VNN1: variants seen among roughly 807,000 people sequenced by gnomAD.
VNN1 encodes the protein vanin 1.
VNN1 carries 29 observed loss-of-function variants against 41.9 expected under a neutral mutation model. The ratio of observed to expected loss-of-function variants is 0.69; its 90% CI spans 0.52 to 0.94. The LOEUF (loss-of-function observed/expected upper bound fraction) is 0.94. Ranked by LOEUF, VNN1 falls within the 40% of genes least tolerant of loss-of-function variation. The probability of loss-of-function intolerance (pLI) is 0.00; values close to 1 mark genes in which losing one functional copy is unlikely to be tolerated. For missense variants in VNN1, 637 were observed against 621.1 expected (o/e 1.03, Z -0.27); for synonymous variants, 233 against 224.4 (o/e 1.04, Z -0.34).
chr6:132,700,372 T>C (rs1778434164), intron 2 of VNN1, among the ~76,000 whole-genome samples: 1 of 152,142 alleles, frequency 6.6e-6, no homozygotes, highest in Non-Finnish European at 1.5e-5. Flanking sequence ...CCTCAGATGC[T>C]GTAAGGTGAA....
intron 3 of VNN1, among the ~76,000 whole-genome samples, chr6:132,693,675 T>G (rs536914353): frequency 1.3e-5 from 2 of 152,320 alleles, no homozygotes; most frequent in South Asian, 4.1e-4. Flanking sequence ...AAGCAGTTTT[T>G]CATTCTAGCC....
Position 132,682,310 on chromosome 6 carries a change from G to A in VNN1, c.*830C>T, listed in dbSNP as rs1002442569. ...TTACAGTAGAAAACAGTAGTGGTGG[G>A]GAGAGGAACAGGAATGGGTCTTTGA... On this transcript the variant is annotated 3_prime_UTR_variant, in exon 7 of 7. Transcript: ENST00000367928. The A allele has an allele frequency of 5.3e-5, 8 of 152,232 alleles. No individual in the cohort carries two copies. The highest frequency in any genetic ancestry group is 1.9e-4 in the African/African-American group (8 of 41,436). The allele number at this position is 152,232 out of a possible 1,614,324, so 9.4% of individuals were successfully genotyped here.
intron 5 of VNN1, among the ~76,000 whole-genome samples, chr6:132,686,622 G>T (rs1297378310): frequency 6.6e-6 from 1 of 152,164 alleles, no homozygotes; most frequent in East Asian, 1.9e-4. Flanking sequence ...GCAGCAAAAG[G>T]TCCAGCTAGA....
At chr6:132,690,795 G>C (rs762707663) in intron 5 of VNN1, among the ~76,000 whole-genome samples, 4 of 152,116 alleles carry the variant, frequency 2.6e-5, no homozygotes, top group Non-Finnish European at 5.9e-5. Flanking sequence ...GCACTCAAGG[G>C]GTTCTCAGTC....
chr6:132,684,545 A>G, intron 5 of VNN1, 40 bp from the exon 6 acceptor site: 5 of 1,604,136 alleles, frequency 3.1e-6, no homozygotes, highest in Non-Finnish European at 4.3e-6. Flanking sequence ...TAAGAAAGTC[A>G]TGTGGGATAT....
intron 2 of VNN1, among the ~76,000 whole-genome samples, chr6:132,708,597 G>A (rs1230388145): frequency 6.6e-6 from 1 of 152,106 alleles, no homozygotes; most frequent in Non-Finnish European, 1.5e-5. Flanking sequence ...ATGAGAGCAG[G>A]GAAGGATATT....
intron 2 of VNN1, 25 bp from the exon 3 acceptor site, chr6:132,694,207 A>G: frequency 2.6e-6 from 4 of 1,542,326 alleles, no homozygotes; most frequent in Non-Finnish European, 3.5e-6. Flanking sequence ...TTGGAGGAAA[A>G]AAATCTTTGT....
At chr6:132,686,464 C>A (rs1354119118) in intron 5 of VNN1, among the ~76,000 whole-genome samples, 1 of 152,150 alleles carries the variant, frequency 6.6e-6, no homozygotes, top group East Asian at 1.9e-4. Flanking sequence ...CAAAGTTTAT[C>A]TGAACTTCAA....
chr6:132,703,899 G>C (rs1446586015), intron 2 of VNN1, among the ~76,000 whole-genome samples: 2 of 152,138 alleles, frequency 1.3e-5, no homozygotes, highest in Non-Finnish European at 2.9e-5. Context: ...AAAAGGAGCA[G>C]GGGTAGCTAT....
At position 132,681,430 on chromosome 6, in the gene VNN1, A is replaced by G. The variant is rs1778119204; in HGVS notation, c.*1710T>C. 6.6e-6 allele frequency among the ~76,000 whole-genome samples: 1 copy of G among 152,214 alleles called. No homozygotes were observed. Among genetic ancestry groups the G allele is most frequent in the Admixed American group, 6.5e-5 (1 of 15,274 alleles). On this transcript the variant is annotated 3_prime_UTR_variant, in exon 7 of 7. Coordinates refer to ENST00000367928, the MANE Select transcript of VNN1 (RefSeq NM_004666.3). ...TACAACTTTCCAAAGGCCCTGATCC[A>G]GAACAACTCCACTAAGCCAGTCCCA... is the stretch of plus-strand genomic sequence containing the variant.
At chr6:132,684,871 G>C (rs1036710405) in intron 5 of VNN1, among the ~76,000 whole-genome samples, 1 of 152,020 alleles carries the variant, frequency 6.6e-6, no homozygotes, top group Non-Finnish European at 1.5e-5. Context: ...AAAAATAAAG[G>C]GCTTTAAGCC....
At chr6:132,711,941 T>C in intron 1 of VNN1, 102 bp from the exon 2 acceptor site, 1 of 1,151,062 alleles carries the variant, frequency 8.7e-7, no homozygotes, top group Non-Finnish European at 1.2e-6. Flanking sequence ...ACCCCTTAAA[T>C]CTTATTTTGT....
rs1384850514 is a variant in VNN1 at position 132,692,287 on chromosome 6, T to C, written c.1124A>G (p.Asn375Ser). The change falls in exon 5 of 7, where the codon AAT (asparagine) becomes AGT (serine). Residue 375 changes from asparagine (N) to serine (S), a missense_variant. By Grantham distance (46) the Asn-to-Ser change is conservative. Coordinates refer to ENST00000367928, the MANE Select transcript of VNN1 (RefSeq NM_004666.3). ...LSYKMSENIP[N>S]EVYALGAFDG... is the part of the protein sequence containing the mutation. The stretch of plus-strand genomic sequence containing the variant: ...AAATGCCCCTAGAGCGTACACTTCA[T>C]TTGGTATGTTCTCAGACATTTTGTA... 1.9e-6 allele frequency: 3 copies of C among 1,614,140 alleles called. No individual in the cohort carries two copies. The East Asian group carries it at 6.7e-5, about 36-fold the overall frequency.
At chr6:132,711,156 C>T (rs985989403) in intron 2 of VNN1, among the ~76,000 whole-genome samples, 4 of 152,138 alleles carry the variant, frequency 2.6e-5, no homozygotes, top group Non-Finnish European at 4.4e-5. Context: ...GTATGTGAAT[C>T]GACATGATTT....
At chr6:132,692,148 A>C (rs907023043) in intron 5 of VNN1, 75 bp downstream of exon 5, 1 of 1,410,124 alleles carries the variant, frequency 7.1e-7, no homozygotes, top group South Asian at 1.8e-5. Flanking sequence ...AAAATCATTC[A>C]TTATTTATCT....
chr6:132,709,661 CAAAA>C (rs36016222), intron 2 of VNN1, among the ~76,000 whole-genome samples: 2 of 141,900 alleles, frequency 1.4e-5, no homozygotes, highest in Admixed American at 7.0e-5. Flanking sequence ...GTCTCTCTCT[CAAAA>C]AAAAAAAAAA....
chr6:132,698,639 C>T (rs1357723503), intron 2 of VNN1: 1 of 152,382 alleles, frequency 6.6e-6, no homozygotes, highest in Non-Finnish European at 1.5e-5. Flanking sequence ...GGTGGCTCTG[C>T]AGAGACATCC....
intron 5 of VNN1, among the ~76,000 whole-genome samples, chr6:132,690,738 T>C (rs938768858): frequency 2.0e-5 from 3 of 151,882 alleles, no homozygotes; most frequent in African/African-American, 7.3e-5. Context: ...ATTGTTAGGG[T>C]AGTTATCATA....
intron 2 of VNN1, among the ~76,000 whole-genome samples, chr6:132,705,007 G>A (rs2179536): frequency 0.77 from 116,885 of 151,898 alleles, 45,914 homozygotes; most frequent in East Asian, 0.94. Flanking sequence ...TGAATAGACA[G>A]ATAACAAATA....
Sources: gnomAD v4.1 joint callset for allele counts (sites outside exome capture counted in the v4.1 genomes callset) on GRCh38, gnomAD v4.1.1 for gene constraint, MANE v1.5 for transcripts, NCBI Gene and HGNC (gene_info 2026-07-23, HGNC 2026-07-21) for gene names.